LRBA: variants seen among roughly 807,000 people sequenced by gnomAD.
The protein encoded by LRBA is LPS responsive beige-like anchor protein.
LRBA carries 176 observed loss-of-function variants against 330.0 expected under a neutral mutation model. That is an observed-to-expected ratio of 0.53 (90% confidence interval 0.47 to 0.60). The LOEUF is 0.60. LRBA is among the 20% of genes least tolerant of loss of function. LRBA has a pLI of 0.00. For synonymous variants in LRBA, 1,230 were observed against 1,193.0 expected (o/e 1.03, Z -0.64); for missense variants, 3,259 against 3,444.8 (o/e 0.95, Z 1.35).
rs76292083 is a variant in LRBA at position 150,478,822 on chromosome 4, C to T, written c.6552-7083G>A. 4.2e-3 allele frequency among the ~76,000 whole-genome samples: 645 copies of T among 152,306 alleles called. 3 individuals are homozygous for T. The highest frequency in any genetic ancestry group is 0.015 in the African/African-American group (615 of 41,560). ...TCCAAAGCAACCCATCTCTACTCTA[C>T]TAATCACTACTACAACACTCTAATT... On this transcript the variant is annotated intron_variant, in intron 42 of 56. Coordinates refer to ENST00000651943, the MANE Select transcript of LRBA (RefSeq NM_001364905.1).
intron 46 of LRBA, chr4:150,422,690 G>A: frequency 1.4e-6 from 1 of 703,638 alleles, no homozygotes; most frequent in Non-Finnish European, 2.6e-6. Context: ...ACTGAGACTG[G>A]CACTGTGGGC....
At chr4:150,697,075 C>G (rs1486357542) in intron 36 of LRBA, among the ~76,000 whole-genome samples, 1 of 150,018 alleles carries the variant, frequency 6.7e-6, no homozygotes, top group Non-Finnish European at 1.5e-5. Context: ...ACCTGTAATT[C>G]CAACACTTTG....
intron 42 of LRBA, among the ~76,000 whole-genome samples, chr4:150,474,457 T>G (rs1343738247): frequency 6.6e-6 from 1 of 152,154 alleles, no homozygotes; most frequent in Non-Finnish European, 1.5e-5. Context: ...ATCTTCCAAT[T>G]TTGTTCTTAT....
chr4:150,883,997 T>C (rs757782823), intron 17 of LRBA, among the ~76,000 whole-genome samples: 2 of 152,166 alleles, frequency 1.3e-5, no homozygotes, highest in African/African-American at 2.4e-5. Context: ...AAAATATTTA[T>C]TGTTGAGAAA....
intron 40 of LRBA, among the ~76,000 whole-genome samples, chr4:150,513,095 CAA>C (rs908574409): frequency 1.3e-5 from 2 of 152,106 alleles, no homozygotes; most frequent in Non-Finnish European, 2.9e-5. Context: ...CAAGACCTGT[CAA>C]AGACAGAATA....
intron 37 of LRBA, among the ~76,000 whole-genome samples, chr4:150,678,668 GAAAATGTT>G (rs1782786931): frequency 6.6e-6 from 1 of 152,114 alleles, no homozygotes; most frequent in Non-Finnish European, 1.5e-5. Context: ...GATACATGGG[GAAAATGTT>G]ACCTTTATTA....
chr4:150,676,340 A>G (rs1782556609), intron 37 of LRBA, among the ~76,000 whole-genome samples: 1 of 152,212 alleles, frequency 6.6e-6, no homozygotes, highest in South Asian at 2.1e-4. Flanking sequence ...ATTTATTTAT[A>G]GTTTTTCACT....
At chr4:150,272,341 A>AAGAT (rs1438073232) in intron 56 of LRBA, among the ~76,000 whole-genome samples, 3 of 152,300 alleles carry the variant, frequency 2.0e-5, no homozygotes, top group Admixed American at 1.3e-4. Flanking sequence ...AGACTAAAGA[A>AAGAT]AGATAGATAA....
intron 47 of LRBA, among the ~76,000 whole-genome samples, chr4:150,362,018 C>T (rs1005914457): frequency 6.6e-6 from 1 of 152,042 alleles, no homozygotes; most frequent in South Asian, 2.1e-4. Flanking sequence ...ATGATCTGCC[C>T]GCCTCGGCCT....
rs1767630088 is a variant in LRBA, at chr4:150,558,537, G to A, written c.6330+29511C>T. On this transcript the variant is annotated intron_variant, in intron 40 of 56. Transcript: ENST00000651943. Reference sequence around the variant, plus strand: ...TTCTTCGGACACTTATGTATGTTCTGGCACTATAATATGCTCCAGGCTCAT... The same window carrying A: ...TTCTTCGGACACTTATGTATGTTCTAGCACTATAATATGCTCCAGGCTCAT... Among the ~76,000 whole-genome samples the A allele has an allele frequency of 5.3e-5, 8 of 152,166 alleles. No individual in the cohort carries two copies. The South Asian group carries it at 1.5e-3, about 28-fold the overall frequency.
intron 17 of LRBA, among the ~76,000 whole-genome samples, chr4:150,876,746 C>T (rs1326095968): frequency 6.6e-6 from 1 of 152,176 alleles, no homozygotes; most frequent in African/African-American, 2.4e-5. Context: ...ACAACACTTA[C>T]TACCACAAAA....
chr4:150,304,631 G>C (rs1730124124), intron 52 of LRBA, among the ~76,000 whole-genome samples: 1 of 151,962 alleles, frequency 6.6e-6, no homozygotes, highest in Admixed American at 6.6e-5. Flanking sequence ...TAAAAAATAA[G>C]CTTATATCAA....
intron 2 of LRBA, among the ~76,000 whole-genome samples, chr4:150,948,196 A>G (rs1294967403): frequency 6.6e-6 from 1 of 152,080 alleles, no homozygotes; most frequent in Non-Finnish European, 1.5e-5. Context: ...AGAAAGATAA[A>G]GTAGAAAGAA....
intron 47 of LRBA, among the ~76,000 whole-genome samples, chr4:150,354,733 A>C (rs1007904457): frequency 6.6e-6 from 1 of 152,030 alleles, no homozygotes; most frequent in African/African-American, 2.4e-5. Context: ...TGTTTTTTTT[A>C]ATGAGATCTA....
intron 40 of LRBA, among the ~76,000 whole-genome samples, chr4:150,568,723 T>G (rs959728610): frequency 2.6e-5 from 4 of 152,154 alleles, no homozygotes; most frequent in Admixed American, 1.3e-4. Flanking sequence ...TTTATTACAT[T>G]TTAGATATAT....
rs1276929990 is a variant in LRBA, at chr4:150,432,453, C to CCTT, written c.7041+3135_7041+3136insAAG. ...TATATTACAGTAATTTAAGTGTGTT[C>CCTT]TTTTTTTTTTTTTTTTTTTTTTTTG... On this transcript the variant is annotated intron_variant, in intron 46 of 56. Transcript: ENST00000651943. 1.2e-3 allele frequency among the ~76,000 whole-genome samples: 118 copies of CCTT among 98,420 alleles called. 4 individuals are homozygous for CCTT. In the Admixed American group the frequency reaches 0.016, roughly 13 times the overall value. 64.6% of individuals were successfully genotyped at this position (98,420 alleles called of 152,430 possible).
chr4:150,720,529 C>T (rs936318068), intron 36 of LRBA, among the ~76,000 whole-genome samples: 4 of 151,914 alleles, frequency 2.6e-5, no homozygotes, highest in Non-Finnish European at 4.4e-5. Context: ...TAAAAATGTA[C>T]TTACTGGTGG....
At position 150,353,240 on chromosome 4, in the gene LRBA, T is replaced by C. The variant is rs374292081; in HGVS notation, c.7195-3081A>G. On this transcript the variant is annotated intron_variant, in intron 47 of 56. Transcript: ENST00000651943. ...CTTAGAAAGAACTTATACTTATTTA[T>C]GTAAATAGTACTCTTGCCAGTAGTT... 5.3e-5 allele frequency among the ~76,000 whole-genome samples: 8 copies of C among 152,268 alleles called. No homozygotes were observed. In the East Asian group the frequency reaches 1.5e-3, roughly 29 times the overall value.
chr4:150,613,976 T>C (rs1192213699), intron 37 of LRBA, among the ~76,000 whole-genome samples: 2 of 152,208 alleles, frequency 1.3e-5, no homozygotes, highest in Non-Finnish European at 1.5e-5. Flanking sequence ...TGACCTCGTG[T>C]CCATAAAACT....
Sources: allele counts gnomAD v4.1 joint callset (sites outside exome capture counted in the v4.1 genomes callset), GRCh38; gene constraint gnomAD v4.1.1; transcripts MANE v1.5; gene names NCBI Gene and HGNC (gene_info 2026-07-23, HGNC 2026-07-21).